The following DPH6 variants were observed in gnomAD, a reference collection of about 807,000 sequenced individuals.
DPH6 encodes the protein diphthamine biosynthesis 6, also known as diphthine--ammonia ligase.
DPH6 carries 33 observed loss-of-function variants against 38.2 expected under a neutral mutation model. That is an observed-to-expected ratio of 0.86 (90% confidence interval 0.65 to 1.15). The LOEUF is 1.15. Ranked by LOEUF, DPH6 falls within the 50% of genes most tolerant of loss-of-function variation. The probability of loss-of-function intolerance (pLI) is 0.00; values close to 1 mark genes in which losing one functional copy is unlikely to be tolerated. For synonymous variants in DPH6, 108 were observed against 103.0 expected (o/e 1.05, Z -0.30); for missense variants, 325 against 320.0 (o/e 1.02, Z -0.12).
At chr15:35,269,182 T>C (rs2051804755) in intron 3 of DPH6, among the ~76,000 whole-genome samples, 1 of 152,202 alleles carries the variant, frequency 6.6e-6, no homozygotes, top group African/African-American at 2.4e-5. Context: ...CTTCTCAAAG[T>C]TATTCCTTCC....
At chr15:35,226,194 A>G (rs561960413) in intron 3 of DPH6, among the ~76,000 whole-genome samples, 1 of 152,270 alleles carries the variant, frequency 6.6e-6, no homozygotes, top group South Asian at 2.1e-4. Context: ...ATAGCTGTAA[A>G]TGTTCATGTA....
intron 5 of DPH6, among the ~76,000 whole-genome samples, chr15:35,430,134 G>T (rs990105815): frequency 1.3e-5 from 2 of 152,082 alleles, no homozygotes; most frequent in Non-Finnish European, 2.9e-5. Context: ...AAGTTTTCCA[G>T]TGAAAGTAAA....
intron 3 of DPH6, among the ~76,000 whole-genome samples, chr15:35,484,916 T>C (rs529912601): frequency 2.6e-5 from 4 of 152,242 alleles, no homozygotes; most frequent in African/African-American, 9.6e-5. Context: ...TTGCAGAAAC[T>C]AAAAGCAAGA....
At chr15:35,491,796 T>C (rs1199529825) in intron 3 of DPH6, among the ~76,000 whole-genome samples, 1 of 150,254 alleles carries the variant, frequency 6.7e-6, no homozygotes, top group Non-Finnish European at 1.5e-5. Flanking sequence ...TTTTTATATA[T>C]ATTTATGTGT....
At chr15:35,507,646 C>T (rs967787209) in intron 3 of DPH6, among the ~76,000 whole-genome samples, 2 of 151,894 alleles carry the variant, frequency 1.3e-5, no homozygotes, top group Non-Finnish European at 2.9e-5. Context: ...TTCTGAACTG[C>T]CTAAATTAAT....
chr15:35,522,081 A>T, intron 3 of DPH6: 1 of 1,611,294 alleles, frequency 6.2e-7, no homozygotes, highest in Non-Finnish European at 8.5e-7. Context: ...GGGAATCAGT[A>T]AAACTGGAAA....
the DPH6 span, among the ~76,000 whole-genome samples, chr15:35,178,531 C>T: frequency 3.9e-5 from 6 of 152,178 alleles, no homozygotes; most frequent in Non-Finnish European, 8.8e-5. Context: ...CCCACCAGGT[C>T]CCTCCATGAC....
intron 5 of DPH6, among the ~76,000 whole-genome samples, chr15:35,434,643 T>C (rs747285495): frequency 3.3e-5 from 5 of 152,214 alleles, no homozygotes; most frequent in Admixed American, 2.6e-4. Context: ...CAGGCAACAA[T>C]GTATCAGGCA....
intron 3 of DPH6, among the ~76,000 whole-genome samples, chr15:35,323,142 CAT>C (rs1270599048): frequency 1.3e-5 from 2 of 151,978 alleles, no homozygotes; most frequent in Non-Finnish European, 2.9e-5. Flanking sequence ...ATAGTGGAGA[CAT>C]AAAGTAATTA....
At chr15:35,157,597 T>G in the DPH6 span, among the ~76,000 whole-genome samples, 1 of 152,118 alleles carries the variant, frequency 6.6e-6, no homozygotes, top group African/African-American at 2.4e-5. Context: ...CGGCACCTTC[T>G]TTCAATCCTG....
intron 5 of DPH6, among the ~76,000 whole-genome samples, chr15:35,443,677 C>A (rs538144794): frequency 6.6e-6 from 1 of 152,224 alleles, no homozygotes; most frequent in African/African-American, 2.4e-5. Context: ...TAAACAGATA[C>A]CTCTAGAAAG....
intron 3 of DPH6, among the ~76,000 whole-genome samples, chr15:35,306,512 G>A (rs150072666): frequency 3.9e-4 from 59 of 152,286 alleles, no homozygotes; most frequent in African/African-American, 1.3e-3. Flanking sequence ...TGTCTTTGCT[G>A]CAGAGCTGTT....
At chr15:35,356,549 T>G (rs2052562012) in intron 3 of DPH6, among the ~76,000 whole-genome samples, 1 of 152,170 alleles carries the variant, frequency 6.6e-6, no homozygotes, top group Non-Finnish European at 1.5e-5. Context: ...GGAGGTCCAC[T>G]CCAGACCCTG....
intron 3 of DPH6, among the ~76,000 whole-genome samples, chr15:35,363,350 C>T (rs1425767684): frequency 6.6e-6 from 1 of 152,030 alleles, no homozygotes; most frequent in Admixed American, 6.6e-5. Flanking sequence ...GTTATATCTT[C>T]CTGAAGAATT....
chr15:35,283,288 TTCCTCC>T (rs201491743), intron 3 of DPH6, among the ~76,000 whole-genome samples: 13 of 150,376 alleles, frequency 8.6e-5, no homozygotes, highest in African/African-American at 3.2e-4. Flanking sequence ...CCTCTTCTTC[TTCCTCC>T]TCCTCCTCCT....
the DPH6 span, among the ~76,000 whole-genome samples, chr15:35,208,342 A>G: frequency 2.6e-5 from 4 of 152,332 alleles, no homozygotes; most frequent in East Asian, 5.8e-4. Flanking sequence ...CAAGAATTCC[A>G]TAGACCCCAG....
intron 3 of DPH6, among the ~76,000 whole-genome samples, chr15:35,259,828 G>A (rs553023889): frequency 2.1e-4 from 32 of 152,258 alleles, no homozygotes; most frequent in Non-Finnish European, 4.1e-4. Context: ...TGGATTTTCT[G>A]CCCGTAATAT....
chr15:35,381,243 G>C (rs1007354461), intron 7 of DPH6, among the ~76,000 whole-genome samples: 1 of 152,058 alleles, frequency 6.6e-6, no homozygotes, highest in African/African-American at 2.4e-5. Context: ...TGGATGATAA[G>C]GTAACAAACT....
intron 3 of DPH6, among the ~76,000 whole-genome samples, chr15:35,475,856 TA>T (rs1188624231): frequency 6.6e-6 from 1 of 151,456 alleles, no homozygotes; most frequent in Non-Finnish European, 1.5e-5. Context: ...AGAAGAATAT[TA>T]AAAAGTGATA....
Sources: allele counts gnomAD v4.1 joint callset (sites outside exome capture counted in the v4.1 genomes callset), GRCh38; gene constraint gnomAD v4.1.1; transcripts MANE v1.5; gene names NCBI Gene and HGNC (gene_info 2026-07-23, HGNC 2026-07-21).